CTNNA3: variants seen among roughly 807,000 people sequenced by gnomAD.
CTNNA3 encodes catenin alpha-3.
Under a neutral mutation model 95.7 loss-of-function variants are expected in CTNNA3, and 76 were observed. The observed-to-expected ratio is 0.79, with a 90% CI of 0.66 to 0.96. The LOEUF (loss-of-function observed/expected upper bound fraction) is 0.96, where lower values mean the gene tolerates loss of function less well. Among genes scored for constraint, CTNNA3 ranks in the 40% least tolerant of loss-of-function variants. The pLI, the probability that CTNNA3 is intolerant of heterozygous loss-of-function variation, is 0.00. For missense variants in CTNNA3, 1,191 were observed against 1,089.8 expected (o/e 1.09, Z -1.31); for synonymous variants, 431 against 374.4 (o/e 1.15, Z -1.74).
chr10:67,096,662 G>A (rs1344898149), intron 7 of CTNNA3, among the ~76,000 whole-genome samples: 2 of 151,818 alleles, frequency 1.3e-5, no homozygotes, highest in Non-Finnish European at 2.9e-5. Flanking sequence ...TTTGATATCT[G>A]ATTATATTTC....
intron 7 of CTNNA3, among the ~76,000 whole-genome samples, chr10:67,174,491 T>C (rs1001363688): frequency 8.5e-5 from 13 of 152,190 alleles, no homozygotes; most frequent in African/African-American, 2.9e-4. Flanking sequence ...CAGTCATCTA[T>C]GGAATTAAGG....
intron 5 of CTNNA3, among the ~76,000 whole-genome samples, chr10:67,474,614 A>C (rs1847937035): frequency 6.6e-6 from 1 of 152,224 alleles, no homozygotes; most frequent in African/African-American, 2.4e-5. Flanking sequence ...AAAGACTTTA[A>C]CAGATACTTC....
intron 12 of CTNNA3, among the ~76,000 whole-genome samples, chr10:66,316,440 C>T (rs1187570012): frequency 6.6e-6 from 1 of 151,766 alleles, no homozygotes; most frequent in Non-Finnish European, 1.5e-5. Context: ...TTTTTAATTC[C>T]AGTTCTGGGT....
chr10:65,998,588 G>C (rs989180272), intron 15 of CTNNA3, among the ~76,000 whole-genome samples: 1 of 152,160 alleles, frequency 6.6e-6, no homozygotes, highest in African/African-American at 2.4e-5. Context: ...TGCTTCAAGG[G>C]AAAGAGGGAT....
chr10:66,874,374 AT>A lies in CTNNA3; in HGVS notation c.1048-98851del, dbSNP rs1231830786. Among the ~76,000 whole-genome samples, 30 of 152,300 alleles carry A rather than the reference AT, an allele frequency of 2.0e-4. 1 individual carries two copies. The East Asian group carries it at 5.8e-3, about 29-fold the overall frequency. On this transcript the variant is annotated intron_variant, in intron 7 of 17. Coordinates refer to ENST00000433211, the MANE Select transcript of CTNNA3 (RefSeq NM_013266.4). ...TTACAAGTTTTGTCATATTTGGAATATTATTAATCTCTCTGAGTCATATTGA... is the reference window on the plus strand; with the variant it reads ...TTACAAGTTTTGTCATATTTGGAATATATTAATCTCTCTGAGTCATATTGA...
At chr10:67,222,544 T>C (rs1864710166) in intron 5 of CTNNA3, among the ~76,000 whole-genome samples, 1 of 152,268 alleles carries the variant, frequency 6.6e-6, no homozygotes, top group Non-Finnish European at 1.5e-5. Flanking sequence ...CTTACATCTG[T>C]CAAACTTGGT....
intron 13 of CTNNA3, among the ~76,000 whole-genome samples, chr10:66,244,823 G>T (rs1287565742): frequency 6.6e-6 from 1 of 152,136 alleles, no homozygotes; most frequent in Admixed American, 6.5e-5. Context: ...ACTCTTAAAT[G>T]CCCAGCTACA....
chr10:67,453,572 A>T (rs549029860), intron 5 of CTNNA3, among the ~76,000 whole-genome samples: 2 of 152,214 alleles, frequency 1.3e-5, no homozygotes, highest in East Asian at 1.9e-4. Context: ...AACAAACTTC[A>T]CTTTCCCAAA....
At chr10:66,387,296 A>G (rs1025189408) in intron 11 of CTNNA3, among the ~76,000 whole-genome samples, 3 of 152,224 alleles carry the variant, frequency 2.0e-5, no homozygotes, top group Non-Finnish European at 4.4e-5. Flanking sequence ...ATATGAACAG[A>G]CACTTCTCAA....
intron 5 of CTNNA3, among the ~76,000 whole-genome samples, chr10:67,328,251 A>C (rs568485036): frequency 1.5e-4 from 23 of 152,316 alleles, no homozygotes; most frequent in African/African-American, 5.5e-4. Flanking sequence ...GCTCTCTACC[A>C]GTCAGGCACA....
chr10:66,484,663 C>T (rs1228805849), intron 11 of CTNNA3, among the ~76,000 whole-genome samples: 1 of 151,882 alleles, frequency 6.6e-6, no homozygotes, highest in African/African-American at 2.4e-5. Context: ...TGATGAACTG[C>T]AACTCCTTTA....
At chr10:67,025,443 A>G (rs2133089160) in intron 7 of CTNNA3, among the ~76,000 whole-genome samples, 1 of 152,194 alleles carries the variant, frequency 6.6e-6, no homozygotes, top group Admixed American at 6.5e-5. Flanking sequence ...TCCTAAGTAC[A>G]ATGCTTGGGA....
chr10:67,349,405 C>T (rs1039999606), intron 5 of CTNNA3, among the ~76,000 whole-genome samples: 1 of 152,050 alleles, frequency 6.6e-6, no homozygotes, highest in Admixed American at 6.6e-5. Context: ...ATATATGACA[C>T]CAGAGATGAC....
chr10:67,419,222 G>A (rs1845652712), intron 5 of CTNNA3, among the ~76,000 whole-genome samples: 1 of 151,676 alleles, frequency 6.6e-6, no homozygotes, highest in Non-Finnish European at 1.5e-5. Flanking sequence ...AACAAAAAAT[G>A]GAACAATGAA....
chr10:67,660,225 T>C (rs115859055), intron 1 of CTNNA3, among the ~76,000 whole-genome samples: 2,802 of 152,318 alleles, frequency 0.018, 92 homozygotes, highest in African/African-American at 0.064. Flanking sequence ...ACTAGCTAAA[T>C]ACCTATTAAC....
At chr10:66,706,910 C>G (rs561934489) in intron 9 of CTNNA3, among the ~76,000 whole-genome samples, 269 of 151,748 alleles carry the variant, frequency 1.8e-3, no homozygotes, top group Non-Finnish European at 2.8e-3. Context: ...GAAGGAGAAC[C>G]AAGACTGAAA....
intron 11 of CTNNA3, among the ~76,000 whole-genome samples, chr10:66,448,160 TAA>T (rs2093436934): frequency 6.6e-6 from 1 of 151,990 alleles, no homozygotes; most frequent in South Asian, 2.1e-4. Flanking sequence ...TGGCAATCAT[TAA>T]AAAGTCAGGA....
intron 7 of CTNNA3, among the ~76,000 whole-genome samples, chr10:67,074,670 A>T (rs1856657258): frequency 6.6e-6 from 1 of 152,154 alleles, no homozygotes; most frequent in South Asian, 2.1e-4. Flanking sequence ...CTTTTCATAC[A>T]AATTTATCTA....
intron 2 of CTNNA3, among the ~76,000 whole-genome samples, chr10:67,611,382 C>G (rs1461447016): frequency 6.6e-6 from 1 of 151,992 alleles, no homozygotes; most frequent in Non-Finnish European, 1.5e-5. Context: ...GGCACGATCT[C>G]CGTTCACTGC....
Sources: allele counts gnomAD v4.1 joint callset (sites outside exome capture counted in the v4.1 genomes callset), GRCh38; gene constraint gnomAD v4.1.1; transcripts MANE v1.5; gene names NCBI Gene and HGNC (gene_info 2026-07-23, HGNC 2026-07-21).